TLE4: variants seen among roughly 807,000 people sequenced by gnomAD.
The protein encoded by TLE4 is transducin-like enhancer protein 4.
In TLE4, 8 loss-of-function variants were observed where a neutral mutation model predicts 92.8. The observed-to-expected ratio is 0.09, with a 90% CI of 0.05 to 0.16. The LOEUF (loss-of-function observed/expected upper bound fraction) is 0.16. Ranked by LOEUF, TLE4 falls within the 10% of genes least tolerant of loss-of-function variation. The pLI is 1.00. For synonymous variants in TLE4, 371 were observed against 374.1 expected (o/e 0.99, Z 0.10); for missense variants, 675 against 997.6 (o/e 0.68, Z 4.36).
chr9:79,628,106 A>G (rs568597709), intron 6 of TLE4, among the ~76,000 whole-genome samples: 83 of 152,218 alleles, frequency 5.5e-4, no homozygotes, highest in Middle Eastern at 3.4e-3. Flanking sequence ...GATTAATGTA[A>G]CAGGCAATAA....
Position 79,644,093 on chromosome 9 carries a change from G to T in TLE4, c.391-8500G>T, listed in dbSNP as rs574028064. ...ATTATAGTTCCTACAATCCCCATATGTGGTGGGAGGGATCTCGTGGGAGGT... is the reference window on the plus strand; with the variant it reads ...ATTATAGTTCCTACAATCCCCATATTTGGTGGGAGGGATCTCGTGGGAGGT... On this transcript the variant is annotated intron_variant, in intron 6 of 19. Coordinates refer to ENST00000376552, the MANE Select transcript of TLE4 (RefSeq NM_007005.6). 1.4e-4 allele frequency among the ~76,000 whole-genome samples: 21 copies of T among 152,264 alleles called. No individual in the cohort carries two copies. In the South Asian group the frequency reaches 3.9e-3, roughly 29 times the overall value.
At chr9:79,720,417 T>TAAA in intron 16 of TLE4, 124 bp downstream of exon 16, 1 of 1,186,782 alleles carries the variant, frequency 8.4e-7, no homozygotes. Flanking sequence ...TGTGTGTGTG[T>TAAA]GTGTGTGTAA....
intron 8 of TLE4, among the ~76,000 whole-genome samples, chr9:79,667,625 G>A (rs762557816): frequency 7.2e-5 from 11 of 152,090 alleles, no homozygotes; most frequent in Admixed American, 1.3e-4. Flanking sequence ...TTAAAAATCC[G>A]AAATGCGTAT....
chr9:79,670,356 A>G (rs12349225), intron 8 of TLE4, among the ~76,000 whole-genome samples: 17,276 of 152,214 alleles, frequency 0.11, 1,139 homozygotes, highest in African/African-American at 0.17. Flanking sequence ...TCACAAATGA[A>G]AAGAATGAGT....
chr9:79,702,088 A>G (rs1417490595), intron 8 of TLE4, among the ~76,000 whole-genome samples: 2 of 152,232 alleles, frequency 1.3e-5, no homozygotes, highest in African/African-American at 4.8e-5. Flanking sequence ...AGTCATTGCC[A>G]TAAGCCAGGA....
chr9:79,637,097 T>C (rs556423063), intron 6 of TLE4, among the ~76,000 whole-genome samples: 1,605 of 152,286 alleles, frequency 0.011, 34 homozygotes, highest in African/African-American at 0.036. Context: ...AGCTGGCCTA[T>C]TTATTTTGAC....
At chr9:79,594,637 T>G (rs1438146283) in intron 4 of TLE4, among the ~76,000 whole-genome samples, 2 of 152,196 alleles carry the variant, frequency 1.3e-5, no homozygotes, top group Non-Finnish European at 2.9e-5. Context: ...TTATATTTGC[T>G]GTAGAGAAGA....
chr9:79,628,939 C>T lies in TLE4; in HGVS notation c.390+1491C>T, dbSNP rs148109279. On this transcript the variant is annotated intron_variant, in intron 6 of 19. Coordinates refer to ENST00000376552, the MANE Select transcript of TLE4 (RefSeq NM_007005.6). The stretch of plus-strand genomic sequence containing the variant: ...GTATAAACCAGCTGTGCTCCATTGA[C>T]GTGTGTGCACAAGTGCAGGTGTTGT... Among the ~76,000 whole-genome samples the T allele has an allele frequency of 2.0e-4, 30 of 150,774 alleles. 1 individual carries two copies. Among genetic ancestry groups the T allele is most frequent in the Middle Eastern group, 6.9e-3 (2 of 290 alleles).
intron 4 of TLE4, among the ~76,000 whole-genome samples, chr9:79,611,797 C>CT (rs2048422022): frequency 6.6e-6 from 1 of 151,760 alleles, no homozygotes. Flanking sequence ...CTGTGAGTAA[C>CT]TTTTTAAAGA....
chr9:79,708,776 G>A lies in TLE4; in HGVS notation c.1253G>A (p.Arg418Lys). 1 of 1,604,992 alleles carries A rather than the reference G, an allele frequency of 6.2e-7. No homozygotes were observed. Among genetic ancestry groups the A allele is most frequent in the Non-Finnish European group, 8.5e-7 (1 of 1,179,650 alleles). The part of the protein sequence containing the change: ...AAAAAAAAYG[R>K]SPVVGFDPHH... ...GCCGCTGCTGCTGCTGCCTATGGGA[G>A]ATCACCAGTGGTGCGTTTGTGAGCT... is the stretch of plus-strand genomic sequence containing the variant. The change falls in exon 13 of 20, where the codon AGA becomes AAA. Residue 418 changes from arginine to lysine, a missense_variant. Coordinates refer to ENST00000376552, the MANE Select transcript of TLE4 (RefSeq NM_007005.6).
chr9:79,687,363 C>T (rs1013980059), intron 8 of TLE4, among the ~76,000 whole-genome samples: 1 of 152,078 alleles, frequency 6.6e-6, no homozygotes, highest in Non-Finnish European at 1.5e-5. Flanking sequence ...ATGTGGTGGC[C>T]CCATGGGTGC....
In TLE4 at chr9:79,721,843, C is replaced by T; in HGVS notation, c.1941C>T (p.Asp647=). Reference sequence around the variant, plus strand: ...TGGACAACACGGTCAGGTCCTGGGACCTGCGCGAGGGGCGGCAGCTGCAGC... The same window carrying T: ...TGGACAACACGGTCAGGTCCTGGGATCTGCGCGAGGGGCGGCAGCTGCAGC... ...GGLDNTVRSW[D]LREGRQLQQH... is the part of the protein sequence containing the mutation. Residue 647 remains aspartate, a synonymous_variant, in exon 17 of 20, where the codon GAC becomes GAT. Transcript: ENST00000376552. 6.2e-7 allele frequency: 1 copy of T among 1,614,022 alleles called. No individual in the cohort carries two copies. Among genetic ancestry groups the T allele is most frequent in the Non-Finnish European group, 8.5e-7 (1 of 1,180,004 alleles).
chr9:79,685,096 T>A (rs1415708621), intron 8 of TLE4, among the ~76,000 whole-genome samples: 1 of 152,164 alleles, frequency 6.6e-6, no homozygotes, highest in Non-Finnish European at 1.5e-5. Context: ...ATCTGACTGC[T>A]TCATGAGAAA....
chr9:79,695,355 A>G (rs1270318266), intron 8 of TLE4, among the ~76,000 whole-genome samples: 1 of 151,730 alleles, frequency 6.6e-6, no homozygotes, highest in Non-Finnish European at 1.5e-5. Flanking sequence ...CATATCTCAC[A>G]CACACACACA....
chr9:79,646,353 CA>C (rs540536512), intron 6 of TLE4, among the ~76,000 whole-genome samples: 2 of 152,178 alleles, frequency 1.3e-5, no homozygotes, highest in Non-Finnish European at 2.9e-5. Flanking sequence ...TACTGTAGAG[CA>C]ATCCATTAGA....
chr9:79,631,565 C>T (rs533824988), intron 6 of TLE4, among the ~76,000 whole-genome samples: 11 of 150,848 alleles, frequency 7.3e-5, no homozygotes, highest in Admixed American at 7.3e-4. Context: ...CCTTTGCGGT[C>T]CCCCCCTTAG....
chr9:79,617,657 G>C (rs1012231361), intron 5 of TLE4, among the ~76,000 whole-genome samples: 1 of 152,088 alleles, frequency 6.6e-6, no homozygotes, highest in Non-Finnish European at 1.5e-5. Context: ...TCAGCCACTT[G>C]CTTTCTTTAA....
chr9:79,626,587 A>G (rs2052667906), intron 5 of TLE4, among the ~76,000 whole-genome samples: 2 of 152,196 alleles, frequency 1.3e-5, no homozygotes, highest in African/African-American at 2.4e-5. Flanking sequence ...GTCTAGATAT[A>G]TATGAGTGCC....
At chr9:79,574,729 T>TCC in intron 2 of TLE4, 144 bp from the exon 3 acceptor site, 1 of 625,446 alleles carries the variant, frequency 1.6e-6, no homozygotes, top group Non-Finnish European at 2.7e-6. Context: ...ATCACCCCTT[T>TCC]CCCCTTCCCT....
Sources: gnomAD v4.1 joint callset for allele counts (sites outside exome capture counted in the v4.1 genomes callset) on GRCh38, gnomAD v4.1.1 for gene constraint, MANE v1.5 for transcripts, NCBI Gene and HGNC (gene_info 2026-07-23, HGNC 2026-07-21) for gene names.